Variants in DCP1A observed in about 807,000 individuals in gnomAD.
DCP1A encodes the protein mRNA-decapping enzyme 1A.
Under a neutral mutation model 58.0 loss-of-function variants are expected in DCP1A, and 20 were observed. The observed-to-expected ratio is 0.34, with a 90% CI of 0.24 to 0.50. DCP1A has a LOEUF of 0.50. Ranked by LOEUF, DCP1A falls within the 20% of genes least tolerant of loss-of-function variation. The pLI is 0.98. For synonymous variants in DCP1A, 285 were observed against 275.1 expected, an observed-to-expected ratio of 1.04 and a Z score of -0.36; for missense variants, 613 against 712.2, an observed-to-expected ratio of 0.86 and a Z score of 1.59.
At chr3:53,326,334 C>G (rs1708102465) in intron 3 of DCP1A, among the ~76,000 whole-genome samples, 1 of 152,176 alleles carries the variant, frequency 6.6e-6, no homozygotes, top group Admixed American at 6.5e-5. Flanking sequence ...ATGGGCAACC[C>G]TAAGTAAAAC....
At chr3:53,308,518 C>T (rs540259382) in intron 5 of DCP1A, among the ~76,000 whole-genome samples, 11 of 152,288 alleles carry the variant, frequency 7.2e-5, no homozygotes, top group Admixed American at 2.6e-4. Context: ...TGTCCTCAAT[C>T]AATTCTCCTG....
intron 4 of DCP1A, among the ~76,000 whole-genome samples, chr3:53,313,408 G>C (rs1707706531): frequency 6.7e-6 from 1 of 148,300 alleles, no homozygotes; most frequent in African/African-American, 2.5e-5. Context: ...AACAGAGTGA[G>C]ACCTTGACTC....
rs186921685 is a variant in DCP1A at position 53,301,082 on chromosome 3, G to A, written c.624+3095C>T. Among the ~76,000 whole-genome samples the A allele has an allele frequency of 1.2e-3, 186 of 152,176 alleles. 2 individuals are homozygous for A. The highest frequency in any genetic ancestry group is 3.9e-3 in the African/African-American group (161 of 41,508). Reference sequence around the variant, plus strand: ...ATGAAGTGATTCATGATTTAGAAAGGGGAAGTAGTAAGCCCACTGCACACT... The same window carrying A: ...ATGAAGTGATTCATGATTTAGAAAGAGGAAGTAGTAAGCCCACTGCACACT... On this transcript the variant is annotated intron_variant, in intron 6 of 9. Coordinates refer to ENST00000610213, the MANE Select transcript of DCP1A (RefSeq NM_018403.7).
intron 5 of DCP1A, 26 bp downstream of exon 5, chr3:53,312,215 G>C: frequency 6.4e-7 from 1 of 1,553,546 alleles, no homozygotes; most frequent in Non-Finnish European, 8.7e-7. Context: ...TCCCTGGTCA[G>C]CACCCAAGTA....
chr3:53,294,109 G>T (rs1707031129), intron 6 of DCP1A, among the ~76,000 whole-genome samples: 1 of 152,230 alleles, frequency 6.6e-6, no homozygotes, highest in Admixed American at 6.5e-5. Context: ...GGGAAAGAGA[G>T]AAGAAGCGGG....
In DCP1A at chr3:53,306,014, C is replaced by T. The variant is rs535540810; in HGVS notation, c.511-1724G>A. 3.3e-4 allele frequency among the ~76,000 whole-genome samples: 50 copies of T among 152,230 alleles called. 1 individual carries two copies. The highest frequency in any genetic ancestry group is 1.0e-3 in the African/African-American group (43 of 41,536). On this transcript the variant is annotated intron_variant, in intron 5 of 9. Coordinates refer to ENST00000610213, the MANE Select transcript of DCP1A (RefSeq NM_018403.7). Reference sequence around the variant, plus strand: ...TGATGAACATCATCCATGCCAAAACCGACACCAAAAACAGTTCAGAAAATG... The same window carrying T: ...TGATGAACATCATCCATGCCAAAACTGACACCAAAAACAGTTCAGAAAATG...
At chr3:53,334,037 G>A (rs1002177968) in intron 3 of DCP1A, among the ~76,000 whole-genome samples, 2 of 152,118 alleles carry the variant, frequency 1.3e-5, no homozygotes, top group Admixed American at 6.6e-5. Context: ...CAAGACAGGA[G>A]GATTGCTTGA....
At chr3:53,314,675 T>C (rs1196873041) in intron 4 of DCP1A, among the ~76,000 whole-genome samples, 12 of 142,410 alleles carry the variant, frequency 8.4e-5, no homozygotes, top group East Asian at 4.0e-4. Context: ...TTCTTTTTTT[T>C]TTTTTTTTTT....
At chr3:53,317,022 G>C (rs1707834177) in intron 4 of DCP1A, among the ~76,000 whole-genome samples, 1 of 152,156 alleles carries the variant, frequency 6.6e-6, no homozygotes. Context: ...AGAGCTAAAA[G>C]AGCCAGATCA....
chr3:53,314,544 C>T (rs1707740370), intron 4 of DCP1A, among the ~76,000 whole-genome samples: 6 of 152,134 alleles, frequency 3.9e-5, no homozygotes, highest in South Asian at 4.1e-4. Flanking sequence ...GCCTGTTTTC[C>T]ACCTACCTCC....
Position 53,342,828 on chromosome 3 carries a change from A to G in DCP1A, c.177-557T>C, listed in dbSNP as rs140622413. Among the ~76,000 whole-genome samples the G allele has an allele frequency of 5.7e-3, 864 of 152,302 alleles. 4 individuals are homozygous for G. Among genetic ancestry groups the G allele is most frequent in the African/African-American group, 0.019 (795 of 41,568 alleles). On this transcript the variant is annotated intron_variant, in intron 2 of 9. Transcript: ENST00000610213. ...CTCCCCCCACTAGGATGTAAGCCCC[A>G]TGCAAATGGAGCTTTTGTCTTACTT...
At chr3:53,344,072 GAGT>G (rs1467003541) in intron 2 of DCP1A, among the ~76,000 whole-genome samples, 1 of 152,148 alleles carries the variant, frequency 6.6e-6, no homozygotes, top group African/African-American at 2.4e-5. Flanking sequence ...AAATTTAGAA[GAGT>G]ATTTGACAAA....
chr3:53,305,348 T>TC (rs1553687921), intron 5 of DCP1A, among the ~76,000 whole-genome samples: 8 of 14,580 alleles, frequency 5.5e-4, no homozygotes, highest in African/African-American at 9.2e-4. Context: ...GACAAAAATT[T>TC]TTTTTTCTTT....
intron 3 of DCP1A, among the ~76,000 whole-genome samples, chr3:53,321,842 G>A (rs547551799): frequency 1.3e-5 from 2 of 151,968 alleles, no homozygotes; most frequent in African/African-American, 4.8e-5. Context: ...ATTTTTTATA[G>A]AAACAAAAAG....
At chr3:53,292,925 A>T in intron 6 of DCP1A, 98 bp from the exon 7 acceptor site, 1 of 1,226,724 alleles carries the variant, frequency 8.2e-7, no homozygotes, top group Non-Finnish European at 1.1e-6. Flanking sequence ...AGAATCAAGG[A>T]TGGATGGAGT....
intron 4 of DCP1A, 116 bp from the exon 5 acceptor site, chr3:53,312,495 CTTTTTT>C: frequency 1.2e-4 from 63 of 525,868 alleles, no homozygotes; most frequent in South Asian, 2.2e-4. Flanking sequence ...TGACATTCTT[CTTTTTT>C]TTTTTTTTTT....
In DCP1A at chr3:53,286,068, T is replaced by C. The variant is rs1337190841; in HGVS notation, c.*1512A>G. ...ATCAACAAAAGCCAATCATTCTTTA[T>C]GCTAAAAACTAAGACCAAACTAAAA... On this transcript the variant is annotated 3_prime_UTR_variant, in exon 10 of 10. Coordinates refer to ENST00000610213, the MANE Select transcript of DCP1A (RefSeq NM_018403.7). 6.6e-6 allele frequency: 1 copy of C among 152,222 alleles called. No individual in the cohort carries two copies. The highest frequency in any genetic ancestry group is 6.5e-5 in the Admixed American group (1 of 15,278). The allele number at this position is 152,222 out of a possible 1,614,324, so 9.4% of individuals were successfully genotyped here. A position where few individuals can be genotyped will look rare whatever the true frequency, so the allele number is the denominator to read the frequency against.
intron 3 of DCP1A, among the ~76,000 whole-genome samples, chr3:53,324,036 T>C (rs1166916350): frequency 2.0e-5 from 3 of 152,178 alleles, no homozygotes; most frequent in African/African-American, 7.2e-5. Context: ...ATCAAAGCTG[T>C]CAACTTATTT....
intron 3 of DCP1A, among the ~76,000 whole-genome samples, chr3:53,341,582 A>G (rs2089204195): frequency 6.6e-6 from 1 of 152,242 alleles, no homozygotes; most frequent in Non-Finnish European, 1.5e-5. Context: ...GATAGTCCAC[A>G]GCTGCAAAAA....
Sources: allele counts gnomAD v4.1 joint callset (sites outside exome capture counted in the v4.1 genomes callset), GRCh38; gene constraint gnomAD v4.1.1; transcripts MANE v1.5; gene names NCBI Gene and HGNC (gene_info 2026-07-23, HGNC 2026-07-21).